ZDHHC11: variants seen among roughly 807,000 people sequenced by gnomAD.
ZDHHC11 encodes palmitoyltransferase ZDHHC11.
ZDHHC11 carries 44 observed loss-of-function variants against 51.3 expected under a neutral mutation model. The observed-to-expected ratio is 0.86, with a 90% CI of 0.67 to 1.10. The LOEUF (loss-of-function observed/expected upper bound fraction) is 1.10. Ranked by LOEUF, ZDHHC11 falls within the 50% of genes least tolerant of loss-of-function variation. The pLI is 0.00. For synonymous variants in ZDHHC11, 163 were observed against 222.0 expected (o/e 0.73, Z 2.36); for missense variants, 400 against 537.7 (o/e 0.74, Z 2.53).
intron 11 of ZDHHC11, among the ~76,000 whole-genome samples, chr5:814,313 GTCT>G (rs760061080): frequency 6.6e-6 from 1 of 151,154 alleles, no homozygotes; most frequent in Non-Finnish European, 1.5e-5. Context: ...CTTTATAAGG[GTCT>G]TCTTTCAGCT....
intron 11 of ZDHHC11, among the ~76,000 whole-genome samples, chr5:805,584 A>T (rs1166805548): frequency 1.1e-5 from 1 of 95,086 alleles, no homozygotes; most frequent in East Asian, 6.2e-4. Flanking sequence ...CATTCAACTA[A>T]AGATTTTTTA....
intron 9 of ZDHHC11, 35 bp downstream of exon 9, chr5:821,826 T>C (rs755242138): frequency 1.0e-5 from 16 of 1,564,706 alleles, no homozygotes; most frequent in African/African-American, 5.4e-5. Flanking sequence ...ATGTTACTAA[T>C]AGATAAAATA....
intron 3 of ZDHHC11, among the ~76,000 whole-genome samples, chr5:845,307 C>T (rs960420513): frequency 5.3e-5 from 8 of 152,304 alleles, no homozygotes; most frequent in Non-Finnish European, 1.2e-4. Flanking sequence ...GGAGTAAAGA[C>T]CCCTCATCTT....
At position 825,295 on chromosome 5, in the gene ZDHHC11, A is replaced by G. The variant is rs752028065; in HGVS notation, c.936-44T>C. 8.4e-3 allele frequency: 13,218 copies of G among 1,569,808 alleles called. 66 individuals carry two copies. In the African/African-American group the frequency reaches 0.089, roughly 11 times the overall value. On this transcript the variant is annotated intron_variant, in intron 7 of 12. Coordinates refer to ENST00000283441, the MANE Select transcript of ZDHHC11 (RefSeq NM_024786.3). Reference sequence around the variant, plus strand: ...GGAGAGAAACTCATCTCAGCTTTGTAGGGGGACTCAGGGTGGCACTGGAGG... The same window carrying G: ...GGAGAGAAACTCATCTCAGCTTTGTGGGGGGACTCAGGGTGGCACTGGAGG...
At chr5:816,134 T>C (rs1740754622) in intron 10 of ZDHHC11, among the ~76,000 whole-genome samples, 1 of 151,702 alleles carries the variant, frequency 6.6e-6, no homozygotes, top group African/African-American at 2.4e-5. Flanking sequence ...ATATTCTGGA[T>C]ACAAGTATAT....
At chr5:855,316 G>A (rs1270124939), upstream of ZDHHC11, among the ~76,000 whole-genome samples, 1 of 149,018 alleles carries the variant, frequency 6.7e-6, no homozygotes, top group African/African-American at 2.5e-5. Flanking sequence ...CGAGCCAGGG[G>A]GCACAGACCC....
At chr5:848,897 C>G (rs1200160503) in intron 1 of ZDHHC11, among the ~76,000 whole-genome samples, 51 of 150,416 alleles carry the variant, frequency 3.4e-4, no homozygotes, top group Admixed American at 3.1e-3. Flanking sequence ...TCACCTGGGC[C>G]TGCACACCCA....
In ZDHHC11 at chr5:843,927, GA is replaced by G. The variant is rs1561292923; in HGVS notation, c.504-204del. On this transcript the variant is annotated intron_variant, in intron 3 of 12. Transcript: ENST00000283441. The stretch of plus-strand genomic sequence containing the variant: ...AGGGGCAGGGACACGCAGGGCATCT[GA>G]GGCAGGGGCGGGGGCATGCAGGGCA... 3.5e-4 allele frequency among the ~76,000 whole-genome samples: 41 copies of G among 118,030 alleles called. 1 individual carries two copies. The highest frequency in any genetic ancestry group is 1.5e-3 in the African/African-American group (37 of 23,880). 77.4% of individuals were successfully genotyped at this position (118,030 alleles called of 152,430 possible).
chr5:859,506 T>C (rs1188269736), upstream of ZDHHC11, among the ~76,000 whole-genome samples: 3 of 152,070 alleles, frequency 2.0e-5, no homozygotes, highest in South Asian at 2.1e-4. Context: ...CCAGGAAGAC[T>C]GCGACCCCAG....
At chr5:838,437 G>C (rs1272866221) in intron 5 of ZDHHC11, among the ~76,000 whole-genome samples, 1 of 152,124 alleles carries the variant, frequency 6.6e-6, no homozygotes, top group Non-Finnish European at 1.5e-5. Flanking sequence ...CGCCCACAGA[G>C]GCCTATTTGC....
At chr5:799,600 C>T (rs552843949) in intron 12 of ZDHHC11, among the ~76,000 whole-genome samples, 82 of 151,380 alleles carry the variant, frequency 5.4e-4, no homozygotes, top group African/African-American at 1.9e-3. Context: ...GTTGATGCTT[C>T]GGCCAAGCGT....
In ZDHHC11 at chr5:846,153, G is replaced by T. The variant is rs1746121577; in HGVS notation, c.503+1361C>A. Among the ~76,000 whole-genome samples, 2 of 150,658 alleles carry T rather than the reference G, an allele frequency of 1.3e-5. 1 individual carries two copies. The highest frequency in any genetic ancestry group is 4.9e-5 in the African/African-American group (2 of 40,530). On this transcript the variant is annotated intron_variant, in intron 3 of 12. Coordinates refer to ENST00000283441, the MANE Select transcript of ZDHHC11 (RefSeq NM_024786.3). ...CCCCTACCATCTCACGCAGCCTCTGGACTCGCTGTGCGGTCATGCAACCTC... is the reference window on the plus strand; with the variant it reads ...CCCCTACCATCTCACGCAGCCTCTGTACTCGCTGTGCGGTCATGCAACCTC...
At chr5:840,730 T>C in intron 4 of ZDHHC11, 80 bp from the exon 5 acceptor site, 1 of 1,597,020 alleles carries the variant, frequency 6.3e-7, no homozygotes, top group Non-Finnish European at 8.5e-7. Context: ...GACCAGAGCG[T>C]GCTGGGGATG....
chr5:854,743 C>A (rs1422721390), upstream of ZDHHC11, among the ~76,000 whole-genome samples: 29 of 141,654 alleles, frequency 2.0e-4, no homozygotes, highest in Middle Eastern at 5.0e-3. Context: ...CCGGGACAGA[C>A]CCCACCGAGG....
chr5:821,855 ACT>A lies in ZDHHC11; in HGVS notation c.1058+4_1058+5del, dbSNP rs752309490. Reference sequence around the variant, plus strand: ...TAAAATAATCCCATTAAACTTACAAACTCACCCAAGTGCAGATGGACACGGGT... The same window carrying A: ...TAAAATAATCCCATTAAACTTACAAACACCCAAGTGCAGATGGACACGGGT... On this transcript the variant is annotated splice_donor_5th_base_variant and intron_variant, in intron 9 of 12. Transcript: ENST00000283441. 3.7e-6 allele frequency: 6 copies of A among 1,602,914 alleles called. 1 individual carries two copies. In the East Asian group the frequency reaches 1.1e-4, roughly 30 times the overall value.
intron 6 of ZDHHC11, among the ~76,000 whole-genome samples, chr5:835,472 G>A (rs1195831401): frequency 7.9e-5 from 12 of 151,744 alleles, no homozygotes; most frequent in African/African-American, 2.2e-4. Context: ...CTCTGTCAGC[G>A]CCACCTGTCT....
chr5:801,154 C>T lies in ZDHHC11; in HGVS notation c.1192G>A (p.Glu398Lys), dbSNP rs145749902. The change falls in exon 12 of 13, where the codon GAA becomes AAA. Residue 398 changes from glutamate to lysine, a missense_variant. By Grantham distance (56) the Glu-to-Lys change is moderately conservative. Coordinates refer to ENST00000283441, the MANE Select transcript of ZDHHC11 (RefSeq NM_024786.3). ...PSISTLGLQQ[E>K]TTEPMKTDSA... ...TCAGTTTTCATGGGCTCTGTTGTTTCTTGTTGCAGCCTGTTTGCAATATTC... is the reference window on the plus strand; with the variant it reads ...TCAGTTTTCATGGGCTCTGTTGTTTTTTGTTGCAGCCTGTTTGCAATATTC... 204 of 1,610,884 alleles carry T rather than the reference C, an allele frequency of 1.3e-4. 4 individuals are homozygous for T. The highest frequency in any genetic ancestry group is 1.7e-4 in the Non-Finnish European group (196 of 1,177,930).
chr5:840,034 C>A, intron 5 of ZDHHC11: 3 of 595,148 alleles, frequency 5.0e-6, no homozygotes, highest in Non-Finnish European at 3.0e-6. Context: ...TGAGACCAAG[C>A]AAGACCACCA....
At position 823,208 on chromosome 5, in the gene ZDHHC11, C is replaced by T. The variant is rs76269919; in HGVS notation, c.1024-1313G>A. ...GAAGAGTTTGCCTAACACAAGACCC[C>T]GGAGATATTCTAGGATTTTTGTAGG... is the stretch of plus-strand genomic sequence containing the variant. On this transcript the variant is annotated intron_variant, in intron 8 of 12. Transcript: ENST00000283441. Among the ~76,000 whole-genome samples the T allele has an allele frequency of 1.4e-4, 21 of 151,110 alleles. No homozygotes were observed. In the East Asian group the frequency reaches 3.3e-3, roughly 24 times the overall value.
Sources: allele counts gnomAD v4.1 joint callset (sites outside exome capture counted in the v4.1 genomes callset), GRCh38; gene constraint gnomAD v4.1.1; transcripts MANE v1.5; gene names NCBI Gene and HGNC (gene_info 2026-07-23, HGNC 2026-07-21).